The following COL4A6 variants were observed in gnomAD, a reference collection of about 807,000 sequenced individuals.
The protein encoded by COL4A6 is collagen alpha-6(IV) chain.
In COL4A6, 59 loss-of-function variants were observed where a neutral mutation model predicts 126.7. The ratio of observed to expected loss-of-function variants is 0.47; its 90% CI spans 0.38 to 0.58. The LOEUF (loss-of-function observed/expected upper bound fraction) is 0.58. Among genes scored for constraint, COL4A6 ranks in the 20% least tolerant of loss-of-function variants. COL4A6 has a pLI of 0.00. For missense variants in COL4A6, 1,285 were observed against 1,337.3 expected, an observed-to-expected ratio of 0.96 and a Z score of 0.61; for synonymous variants, 547 against 496.6, an observed-to-expected ratio of 1.10 and a Z score of -1.35.
In COL4A6 at chrX:108,161,667, G is replaced by A; in HGVS notation, c.4285C>T (p.Leu1429Phe). 8.8e-7 allele frequency: 1 copy of A among 1,138,000 alleles called. No homozygotes were observed. Among genetic ancestry groups the A allele is most frequent in the Admixed American group, 2.5e-5 (1 of 40,323 alleles). 93.8% of individuals were successfully genotyped at this position (1,138,000 alleles called of 1,213,427 possible). ...PSGLPGPPGA[L>F]GDPGLPGLQG... is the part of the protein sequence containing the mutation. ...AGTCCAGGCAGACCAGGATCACCAA[G>A]AGCCCCAGGTGGGCCTGGGAGCCCA... The change falls in exon 42 of 45, where the codon CTT (leucine) becomes TTT (phenylalanine). Residue 1429 changes from leucine (L) to phenylalanine (F), a missense_variant. Physicochemically the swap from Leu to Phe is conservative, Grantham distance 22. Coordinates refer to ENST00000334504, the MANE Select transcript of COL4A6 (RefSeq NM_033641.4).
rs1271031210 is a variant in COL4A6 at position 108,212,233 on chromosome X, A to T, written c.442-493T>A. On this transcript the variant is annotated intron_variant, in intron 6 of 44. Transcript: ENST00000334504. Reference sequence around the variant, plus strand: ...TTCTTTCTTTTTATTTTATTATTTAAAAAAAAAAAAAACAGGCCACAAGCC... The same window carrying T: ...TTCTTTCTTTTTATTTTATTATTTATAAAAAAAAAAAACAGGCCACAAGCC... Among the ~76,000 whole-genome samples the T allele has an allele frequency of 8.4e-3, 128 of 15,186 alleles. 5 individuals are homozygous for T. The highest frequency in any genetic ancestry group is 0.064 in the East Asian group (112 of 1,748). 13.2% of individuals were successfully genotyped at this position (15,186 alleles called of 115,157 possible).
intron 6 of COL4A6, among the ~76,000 whole-genome samples, chrX:108,213,299 G>A (rs2148233045): frequency 8.9e-6 from 1 of 112,402 alleles, no homozygotes; most frequent in East Asian, 2.8e-4. Context: ...TTCAAGGGAG[G>A]TTGACAATGA....
At chrX:108,426,702 T>G (rs1034344836) in intron 2 of COL4A6, among the ~76,000 whole-genome samples, 1 of 112,064 alleles carries the variant, frequency 8.9e-6, no homozygotes, top group East Asian at 2.8e-4. Context: ...GTGGCCTCAC[T>G]ACCCATTTCT....
chrX:108,282,117 A>C (rs148905900), intron 3 of COL4A6, among the ~76,000 whole-genome samples: 27,200 of 109,226 alleles, frequency 0.25, 2,941 homozygotes, highest in East Asian at 0.61. Context: ...CACCAAAAGC[A>C]ATGACAACAA....
chrX:108,285,833 G>T (rs769699200), intron 3 of COL4A6, among the ~76,000 whole-genome samples: 2 of 111,933 alleles, frequency 1.8e-5, no homozygotes. Context: ...GTAACAGCCA[G>T]GTGATTCAAG....
chrX:108,357,643 C>G (rs996624844), intron 2 of COL4A6, among the ~76,000 whole-genome samples: 6 of 111,519 alleles, frequency 5.4e-5, no homozygotes, highest in Non-Finnish European at 9.4e-5. Context: ...GTCACTTCCA[C>G]CAATCTCCCT....
intron 3 of COL4A6, among the ~76,000 whole-genome samples, chrX:108,228,903 A>C (rs1459770987): frequency 1.8e-5 from 2 of 112,539 alleles, no homozygotes; most frequent in African/African-American, 6.5e-5. Flanking sequence ...ATATACCACA[A>C]GTCCAAGAGG....
intron 3 of COL4A6, among the ~76,000 whole-genome samples, chrX:108,303,643 G>A (rs1457893704): frequency 1.8e-5 from 2 of 111,752 alleles, no homozygotes; most frequent in Admixed American, 1.9e-4. Context: ...AAGCTAGAAC[G>A]GTAAGCAGAA....
At chrX:108,347,719 G>T (rs2039741429) in intron 2 of COL4A6, among the ~76,000 whole-genome samples, 1 of 110,662 alleles carries the variant, frequency 9.0e-6, no homozygotes, top group Admixed American at 9.7e-5. Context: ...TTTTTCTAGG[G>T]TATTGTTTCA....
chrX:108,156,174 G>C lies in COL4A6; in HGVS notation c.*826C>G, dbSNP rs1363154250. 9.0e-6 allele frequency: 1 copy of C among 111,319 alleles called. No homozygotes were observed. The highest frequency in any genetic ancestry group is 9.6e-5 in the Admixed American group (1 of 10,449). The allele number at this position is 111,319 out of a possible 1,213,427, so 9.2% of individuals were successfully genotyped here. ...AAAAGCAAAACTCACACATCCTTAC[G>C]CACCCACCCCTCTACTTCTGGCCCA... On this transcript the variant is annotated 3_prime_UTR_variant, in exon 45 of 45. Transcript: ENST00000334504.
intron 19 of COL4A6, 24 bp from the exon 20 acceptor site, chrX:108,190,520 G>C: frequency 9.6e-7 from 1 of 1,046,327 alleles, no homozygotes; most frequent in East Asian, 3.0e-5. Flanking sequence ...AAAGATAAAG[G>C]ATTAGCAACT....
Position 108,174,607 on chromosome X carries a change from C to G in COL4A6, c.2971G>C (p.Ala991Pro), listed in dbSNP as rs146520601. The change falls in exon 31 of 45, where the codon GCT (alanine) becomes CCT (proline). Residue 991 changes from alanine (A) to proline (P), a missense_variant. Ala to Pro is a conservative substitution (Grantham distance 27). Transcript: ENST00000334504. Reference sequence around the variant, plus strand: ...AGGCCTGGTGGTCCAGGTCGACCAGCCTCTCCTTTGTCACCTGTAAAAGAA... The same window carrying G: ...AGGCCTGGTGGTCCAGGTCGACCAGGCTCTCCTTTGTCACCTGTAAAAGAA... ...FPGPRGDKGE[A>P]GRPGPPGLPG... The G allele has an allele frequency of 2.1e-5, 25 of 1,168,281 alleles. No homozygotes were observed. The African/African-American group carries it at 4.2e-4, about 20-fold the overall frequency.
rs1317823840 is a variant in COL4A6, at chrX:108,195,562, G to A, written c.904-436C>T. On this transcript the variant is annotated intron_variant, in intron 14 of 44. Transcript: ENST00000334504. ...GCTGGGATTACAGACATGAGCCACCGTGCCTGGCCTAATGACTTCTTTCTA... is the reference window on the plus strand; with the variant it reads ...GCTGGGATTACAGACATGAGCCACCATGCCTGGCCTAATGACTTCTTTCTA... Among the ~76,000 whole-genome samples, 18 of 112,292 alleles carry A rather than the reference G, an allele frequency of 1.6e-4. No individual in the cohort carries two copies. The East Asian group carries it at 3.1e-3, about 19-fold the overall frequency.
In COL4A6 at chrX:108,178,772, T is replaced by A. The variant is rs368366711; in HGVS notation, c.2427A>T (p.Gly809=). Reference sequence around the variant, plus strand: ...CACTAGATCCTGGGGTGCCTGGCTGTCCCACCTGTCCTGGTGTCCCAGGGC... The same window carrying A: ...CACTAGATCCTGGGGTGCCTGGCTGACCCACCTGTCCTGGTGTCCCAGGGC... ...RGSPGTPGQV[G]QPGTPGSSGP... The change falls in exon 27 of 45, where the codon GGA becomes GGT. Residue 809 remains glycine, a synonymous_variant. Transcript: ENST00000334504. 1.7e-6 allele frequency: 2 copies of A among 1,210,065 alleles called. No individual in the cohort carries two copies. Among genetic ancestry groups the A allele is most frequent in the African/African-American group, 3.5e-5 (2 of 57,202 alleles).
chrX:108,239,773 A>T (rs1287978299), intron 3 of COL4A6, among the ~76,000 whole-genome samples: 1 of 111,910 alleles, frequency 8.9e-6, no homozygotes, highest in East Asian at 2.8e-4. Context: ...GTGCACTCCT[A>T]CTTATTACTA....
At position 108,156,812 on chromosome X, in the gene COL4A6, G is replaced by A; in HGVS notation, c.*188C>T. 4.2e-6 allele frequency: 2 copies of A among 476,930 alleles called. No individual in the cohort carries two copies. Among genetic ancestry groups the A allele is most frequent in the Non-Finnish European group, 7.3e-6 (2 of 272,127 alleles). 39.3% of individuals were successfully genotyped at this position (476,930 alleles called of 1,213,427 possible). Reference sequence around the variant, plus strand: ...GAAACAGGACAGCAGATCTCAGCAGGGTGGGCTCATCTCTATGGACCCGAG... The same window carrying A: ...GAAACAGGACAGCAGATCTCAGCAGAGTGGGCTCATCTCTATGGACCCGAG... On this transcript the variant is annotated 3_prime_UTR_variant, in exon 45 of 45. Transcript: ENST00000334504.
chrX:108,169,730 A>G, intron 36 of COL4A6, 110 bp from the exon 37 acceptor site: 1 of 998,500 alleles, frequency 1.0e-6, no homozygotes, highest in Non-Finnish European at 1.3e-6. Flanking sequence ...CCAGAGGCAG[A>G]GTACTGAAGT....
At chrX:108,313,126 C>T (rs989648286) in intron 2 of COL4A6, among the ~76,000 whole-genome samples, 8 of 112,322 alleles carry the variant, frequency 7.1e-5, no homozygotes, top group Admixed American at 3.8e-4. Context: ...CTGGCAGTTT[C>T]CCCAGGAGTC....
rs1341885508 is a variant in COL4A6, at chrX:108,188,624, C to T, written c.1480G>A (p.Gly494Arg). 4.2e-6 allele frequency: 5 copies of T among 1,195,556 alleles called. No homozygotes were observed. In the East Asian group the frequency reaches 9.1e-5, roughly 22 times the overall value. ...DGGVPNTGPP[G>R]EPGPPGPWGL... ...CATGGACCAGGTGGGCCTGGTTCCC[C>T]GGGTGGTCCAGTGTTGGGAACACCA... is the stretch of plus-strand genomic sequence containing the variant. The change falls in exon 21 of 45, where the codon GGG becomes AGG. Residue 494 changes from glycine (G) to arginine (R), a missense_variant. Coordinates refer to ENST00000334504, the MANE Select transcript of COL4A6 (RefSeq NM_033641.4).
Sources: gnomAD v4.1 joint callset for allele counts (sites outside exome capture counted in the v4.1 genomes callset) on GRCh38, gnomAD v4.1.1 for gene constraint, MANE v1.5 for transcripts, NCBI Gene and HGNC (gene_info 2026-07-23, HGNC 2026-07-21) for gene names.